DDX31: variants seen among roughly 807,000 people sequenced by gnomAD.
The protein encoded by DDX31 is DEAD-box helicase 31, also known as ATP-dependent DNA helicase DDX31.
Under a neutral mutation model 91.3 loss-of-function variants are expected in DDX31, and 70 were observed. That is an observed-to-expected ratio of 0.77 (90% confidence interval 0.63 to 0.94). The LOEUF is 0.94. DDX31 is among the 40% of genes least tolerant of loss of function. The pLI is 0.00. For synonymous variants in DDX31, 362 were observed against 350.6 expected (o/e 1.03, Z -0.36); for missense variants, 902 against 925.0 (o/e 0.98, Z 0.32).
chr9:132,656,537 C>T (rs1834578723), intron 6 of DDX31, among the ~76,000 whole-genome samples: 1 of 152,184 alleles, frequency 6.6e-6, no homozygotes, highest in Non-Finnish European at 1.5e-5. Flanking sequence ...CTGATCCCAG[C>T]CCTTGGAGAC....
intron 1 of DDX31, among the ~76,000 whole-genome samples, chr9:132,666,650 T>C (rs1835327828): frequency 6.6e-6 from 1 of 151,944 alleles, no homozygotes. Flanking sequence ...GCCTCCCGAG[T>C]GGCTGGGATC....
intron 7 of DDX31, among the ~76,000 whole-genome samples, chr9:132,652,212 T>G (rs1309940879): frequency 6.6e-6 from 1 of 152,186 alleles, no homozygotes. Flanking sequence ...AAACAGACAT[T>G]TAATAGTATC....
At chr9:132,651,017 T>C in intron 8 of DDX31, 58 bp downstream of exon 8, 1 of 1,470,960 alleles carries the variant, frequency 6.8e-7, no homozygotes, top group Admixed American at 1.8e-5. Context: ...CTGTAGTATA[T>C]TAAATCCTTC....
intron 17 of DDX31, among the ~76,000 whole-genome samples, chr9:132,619,230 T>C (rs1274896851): frequency 6.6e-6 from 1 of 152,248 alleles, no homozygotes; most frequent in Non-Finnish European, 1.5e-5. Flanking sequence ...TAAAAACTAG[T>C]GGCTTTTGTC....
At chr9:132,632,742 T>A (rs1019284131) in intron 14 of DDX31, among the ~76,000 whole-genome samples, 1 of 152,150 alleles carries the variant, frequency 6.6e-6, no homozygotes, top group Non-Finnish European at 1.5e-5. Flanking sequence ...TTCAGGTAGC[T>A]GGATTAGAAT....
chr9:132,596,096 GT>G (rs1369927847), intron 19 of DDX31, among the ~76,000 whole-genome samples: 21 of 152,206 alleles, frequency 1.4e-4, no homozygotes, highest in Admixed American at 1.4e-3. Context: ...ATACTATAGT[GT>G]CATGGAGTTC....
At chr9:132,655,484 C>T (rs1834501973) in intron 6 of DDX31, among the ~76,000 whole-genome samples, 1 of 152,122 alleles carries the variant, frequency 6.6e-6, no homozygotes, top group South Asian at 2.1e-4. Flanking sequence ...CTCAAATTTG[C>T]TTGATATGCA....
intron 6 of DDX31, 92 bp from the exon 7 acceptor site, chr9:132,652,584 T>C: frequency 6.8e-7 from 1 of 1,473,960 alleles, no homozygotes; most frequent in South Asian, 1.2e-5. Flanking sequence ...TTGTAGAACA[T>C]CAGAAGCACT....
chr9:132,635,262 C>A (rs1055930101), intron 14 of DDX31, among the ~76,000 whole-genome samples: 1 of 152,066 alleles, frequency 6.6e-6, no homozygotes, highest in Non-Finnish European at 1.5e-5. Flanking sequence ...ATGCGAATAG[C>A]ATGGTCCTGT....
chr9:132,616,135 C>T (rs1287619951), intron 18 of DDX31, among the ~76,000 whole-genome samples: 5 of 152,136 alleles, frequency 3.3e-5, no homozygotes, highest in African/African-American at 7.2e-5. Flanking sequence ...AAAACTCAGT[C>T]CTAAGAAACA....
chr9:132,660,890 C>T (rs1018915472), intron 4 of DDX31, among the ~76,000 whole-genome samples: 8 of 152,150 alleles, frequency 5.3e-5, no homozygotes, highest in African/African-American at 1.9e-4. Context: ...TACTAAGAAA[C>T]GACATGGTCA....
At chr9:132,624,177 A>G (rs1353740321) in intron 17 of DDX31, among the ~76,000 whole-genome samples, 6 of 150,356 alleles carry the variant, frequency 4.0e-5, no homozygotes, top group African/African-American at 1.5e-4. Flanking sequence ...AAAAAAAAAA[A>G]AAAAAAAAAA....
At chr9:132,614,422 T>C (rs1831517852) in intron 18 of DDX31, among the ~76,000 whole-genome samples, 1 of 151,408 alleles carries the variant, frequency 6.6e-6, no homozygotes, top group Admixed American at 6.6e-5. Context: ...AGGGAAAGGC[T>C]CTACTGCTAC....
At chr9:132,667,681 T>C (rs952270351) in intron 1 of DDX31, among the ~76,000 whole-genome samples, 2 of 152,124 alleles carry the variant, frequency 1.3e-5, no homozygotes, top group African/African-American at 4.8e-5. Flanking sequence ...CTGCATTAAT[T>C]AATCCCCTTT....
chr9:132,605,225 T>C (rs1340637326), intron 19 of DDX31, among the ~76,000 whole-genome samples: 2 of 152,226 alleles, frequency 1.3e-5, no homozygotes, highest in East Asian at 3.8e-4. Context: ...TGGTTTCTAC[T>C]CATCTATTAC....
At chr9:132,658,466 T>C (rs1335609233) in intron 6 of DDX31, 7 of 680,320 alleles carry the variant, frequency 1.0e-5, no homozygotes, top group South Asian at 1.6e-5. Context: ...CTGTTACACT[T>C]ACTATGACAA....
chr9:132,645,746 A>G, intron 13 of DDX31, 149 bp downstream of exon 13: 1 of 817,522 alleles, frequency 1.2e-6, no homozygotes, highest in Admixed American at 3.0e-5. Context: ...TGGGTCACCC[A>G]TTTTCGTCTC....
intron 14 of DDX31, among the ~76,000 whole-genome samples, chr9:132,635,992 C>T (rs1454089480): frequency 1.3e-5 from 2 of 152,066 alleles, no homozygotes; most frequent in East Asian, 1.9e-4. Context: ...TCCTGCTTCC[C>T]CCAGCGTCGG....
intron 18 of DDX31, among the ~76,000 whole-genome samples, chr9:132,617,748 G>A (rs1251653609): frequency 6.6e-6 from 1 of 152,168 alleles, no homozygotes; most frequent in Non-Finnish European, 1.5e-5. Context: ...TACTCAACGT[G>A]AACTGTGAAG....
Sources: gnomAD v4.1 joint callset for allele counts (sites outside exome capture counted in the v4.1 genomes callset) on GRCh38, gnomAD v4.1.1 for gene constraint, MANE v1.5 for transcripts, NCBI Gene and HGNC (gene_info 2026-07-23, HGNC 2026-07-21) for gene names.